The following ARFGAP3 variants were observed in gnomAD, a reference collection of about 807,000 sequenced individuals.
ARFGAP3 encodes the protein ADP-ribosylation factor GTPase-activating protein 3.
ARFGAP3 carries 72 observed loss-of-function variants against 75.0 expected under a neutral mutation model. The observed-to-expected ratio is 0.96, with a 90% CI of 0.79 to 1.17. The LOEUF (loss-of-function observed/expected upper bound fraction) is 1.17. ARFGAP3 is among the 50% of genes most tolerant of loss of function. The pLI, the probability that ARFGAP3 is intolerant of heterozygous loss-of-function variation, is 0.00. For synonymous variants in ARFGAP3, 221 were observed against 217.9 expected (o/e 1.01, Z -0.13); for missense variants, 620 against 626.6 (o/e 0.99, Z 0.11).
At chr22:42,806,986 T>C in intron 14 of ARFGAP3, 87 bp downstream of exon 14, 2 of 1,301,066 alleles carry the variant, frequency 1.5e-6, no homozygotes, top group Non-Finnish European at 2.1e-6. Flanking sequence ...TGCTAAAATA[T>C]CTTGGAAAAG....
In ARFGAP3 at chr22:42,823,779, A is replaced by C. The variant is rs1268379737; in HGVS notation, c.626-77T>G. On this transcript the variant is annotated intron_variant, in intron 7 of 15. Coordinates refer to ENST00000263245, the MANE Select transcript of ARFGAP3 (RefSeq NM_014570.5). ...TTTTAGTGTGTCTTTTAAAATTCTA[A>C]GATACTGCACTTTATTATTTAAGAG... 4.5e-6 allele frequency: 6 copies of C among 1,346,800 alleles called. No individual in the cohort carries two copies. In the East Asian group the frequency reaches 1.5e-4, roughly 35 times the overall value. The allele number at this position is 1,346,800 out of a possible 1,614,324, so 83.4% of individuals were successfully genotyped here.
chr22:42,852,200 A>G (rs1454596821), intron 1 of ARFGAP3, among the ~76,000 whole-genome samples: 2 of 149,596 alleles, frequency 1.3e-5, no homozygotes, highest in Non-Finnish European at 3.0e-5. Flanking sequence ...GACCACAGGC[A>G]TGAGCCACCA....
intron 12 of ARFGAP3, among the ~76,000 whole-genome samples, chr22:42,809,453 T>C (rs1476187935): frequency 2.0e-5 from 3 of 151,124 alleles, no homozygotes; most frequent in African/African-American, 4.9e-5. Context: ...TAAACCAGAG[T>C]AGGAAGGCCA....
At chr22:42,847,940 C>G (rs961933608) in intron 1 of ARFGAP3, among the ~76,000 whole-genome samples, 23 of 151,242 alleles carry the variant, frequency 1.5e-4, no homozygotes, top group African/African-American at 5.3e-4. Context: ...TCTCGGCTCA[C>G]TGTAACCTCT....
chr22:42,809,914 G>T (rs1341459785), intron 12 of ARFGAP3, among the ~76,000 whole-genome samples: 1 of 150,650 alleles, frequency 6.6e-6, no homozygotes, highest in Non-Finnish European at 1.5e-5. Context: ...TGAGGCAGGA[G>T]AATGGTGTGA....
chr22:42,818,298 T>C (rs1003066713), intron 9 of ARFGAP3, among the ~76,000 whole-genome samples: 1 of 152,202 alleles, frequency 6.6e-6, no homozygotes, highest in African/African-American at 2.4e-5. Flanking sequence ...ACTTTACAAA[T>C]AGATCAACTA....
chr22:42,833,610 G>T (rs936579705), intron 5 of ARFGAP3, among the ~76,000 whole-genome samples: 12 of 152,210 alleles, frequency 7.9e-5, no homozygotes, highest in African/African-American at 2.7e-4. Context: ...ACAAAAATTA[G>T]CCAGGTGTGG....
chr22:42,831,266 T>G (rs4822201), intron 6 of ARFGAP3, among the ~76,000 whole-genome samples: 95,646 of 144,914 alleles, frequency 0.66, 33,136 homozygotes, highest in African/African-American at 0.88. Context: ...CAGCCTCGGC[T>G]ACAGAGCAAG....
intron 2 of ARFGAP3, among the ~76,000 whole-genome samples, chr22:42,842,093 C>T (rs1315848898): frequency 6.6e-6 from 1 of 150,462 alleles, no homozygotes; most frequent in Non-Finnish European, 1.5e-5. Context: ...CAACCTCTGC[C>T]TCCTGGGTTC....
At chr22:42,826,784 T>C (rs971747816) in intron 7 of ARFGAP3, among the ~76,000 whole-genome samples, 156 bp downstream of exon 7, 6 of 152,186 alleles carry the variant, frequency 3.9e-5, no homozygotes, top group Admixed American at 3.9e-4. Flanking sequence ...AACATATATA[T>C]ATAGTATCTT....
chr22:42,797,613 G>A lies in ARFGAP3; in HGVS notation c.1534-8C>T, dbSNP rs201010228. The A allele has an allele frequency of 6.2e-7, 1 of 1,614,028 alleles. No homozygotes were observed. Among genetic ancestry groups the A allele is most frequent in the Non-Finnish European group, 8.5e-7 (1 of 1,179,944 alleles). On this transcript the variant is annotated splice_polypyrimidine_tract_variant and splice_region_variant and intron_variant, in intron 15 of 15. Coordinates refer to ENST00000263245, the MANE Select transcript of ARFGAP3 (RefSeq NM_014570.5). The stretch of plus-strand genomic sequence containing the variant: ...TTAAGAACCGTAGCGATCCTGAAGA[G>A]AGAACCAAAATGGAAGTTCACGACC...
intron 14 of ARFGAP3, among the ~76,000 whole-genome samples, chr22:42,804,920 C>G (rs1668283383): frequency 6.6e-6 from 1 of 152,108 alleles, no homozygotes; most frequent in African/African-American, 2.4e-5. Flanking sequence ...ATAAAACAAG[C>G]TTTATGGAGG....
intron 14 of ARFGAP3, among the ~76,000 whole-genome samples, chr22:42,802,700 C>A (rs1924929481): frequency 6.7e-6 from 1 of 149,432 alleles, no homozygotes; most frequent in Non-Finnish European, 1.5e-5. Flanking sequence ...CTCCCAGGTT[C>A]ACGCCATTCT....
At chr22:42,856,231 A>G (rs1338637823) in intron 1 of ARFGAP3, among the ~76,000 whole-genome samples, 1 of 152,220 alleles carries the variant, frequency 6.6e-6, no homozygotes, top group Admixed American at 6.5e-5. Flanking sequence ...AAACCAACAG[A>G]AACACCTATT....
chr22:42,835,314 G>C, intron 4 of ARFGAP3, 48 bp downstream of exon 4: 1 of 1,584,274 alleles, frequency 6.3e-7, no homozygotes, highest in Non-Finnish European at 8.6e-7. Flanking sequence ...CTTTTTCTAT[G>C]AAGTGAACAT....
intron 9 of ARFGAP3, 113 bp downstream of exon 9, chr22:42,822,157 G>T: frequency 2.4e-6 from 2 of 837,966 alleles, no homozygotes; most frequent in Non-Finnish European, 1.9e-6. Flanking sequence ...ACTGAATTTT[G>T]CAGTACCCTC....
At chr22:42,817,965 T>C (rs958938159) in intron 9 of ARFGAP3, 108 bp from the exon 10 acceptor site, 7 of 1,299,944 alleles carry the variant, frequency 5.4e-6, no homozygotes, top group Non-Finnish European at 6.0e-6. Flanking sequence ...TTCATGATTC[T>C]TTCCATAATT....
intron 11 of ARFGAP3, among the ~76,000 whole-genome samples, chr22:42,811,992 C>T (rs1270701392): frequency 6.6e-6 from 1 of 152,040 alleles, no homozygotes; most frequent in African/African-American, 2.4e-5. Context: ...GCCTGGGCAA[C>T]ATGGCAAAGC....
At chr22:42,855,236 A>C (rs1311944055) in intron 1 of ARFGAP3, among the ~76,000 whole-genome samples, 2 of 152,236 alleles carry the variant, frequency 1.3e-5, no homozygotes, top group African/African-American at 2.4e-5. Flanking sequence ...ATTGATTTCT[A>C]ATTTAAAATT....
Sources: gnomAD v4.1 joint callset for allele counts (sites outside exome capture counted in the v4.1 genomes callset) on GRCh38, gnomAD v4.1.1 for gene constraint, MANE v1.5 for transcripts, NCBI Gene and HGNC (gene_info 2026-07-23, HGNC 2026-07-21) for gene names.